Variants in SERPINC1 observed in about 807,000 individuals in gnomAD.
The protein encoded by SERPINC1 is antithrombin-III.
SERPINC1 carries 12 observed loss-of-function variants against 43.4 expected under a neutral mutation model. The ratio of observed to expected loss-of-function variants is 0.28; its 90% CI spans 0.18 to 0.45. SERPINC1 has a LOEUF of 0.45. Ranked by LOEUF, SERPINC1 falls within the 20% of genes least tolerant of loss-of-function variation. The probability of loss-of-function intolerance (pLI) is 1.00; values close to 1 mark genes in which losing one functional copy is unlikely to be tolerated. For missense variants in SERPINC1, 423 were observed against 578.8 expected, an observed-to-expected ratio of 0.73 and a Z score of 2.76; for synonymous variants, 210 against 218.9, an observed-to-expected ratio of 0.96 and a Z score of 0.36.
intron 2 of SERPINC1, among the ~76,000 whole-genome samples, chr1:173,912,363 A>G (rs565546565): frequency 1.3e-5 from 2 of 152,304 alleles, no homozygotes; most frequent in East Asian, 1.9e-4. Context: ...TCTCGTAACA[A>G]ACACTTTTGT....
Position 173,914,978 on chromosome 1 carries a change from C to T in SERPINC1, c.42-59G>A. On this transcript the variant is annotated intron_variant, in intron 1 of 6. Coordinates refer to ENST00000367698, the MANE Select transcript of SERPINC1 (RefSeq NM_000488.4). ...CTGCAACCCCTAGCCCCACTGCCCA[C>T]CACAGGGTTGCCCCAGTAAAGCAGA... The T allele has an allele frequency of 2.5e-6, 4 of 1,582,158 alleles. 1 individual carries two copies. The South Asian group carries it at 4.5e-5, about 18-fold the overall frequency.
intron 5 of SERPINC1, among the ~76,000 whole-genome samples, chr1:173,908,417 G>T (rs1269971722): frequency 3.3e-5 from 5 of 150,748 alleles, no homozygotes; most frequent in African/African-American, 1.2e-4. Context: ...TTGAATCTGG[G>T]GGGTGGAGGT....
In SERPINC1 at chr1:173,910,862, G is replaced by A; in HGVS notation, c.654C>T (p.Ile218=). ...CGGTCTTATTGGACACCCATTTGTTGATGGCCGCTCTGGATTGCTCTGCAT... is the reference window on the plus strand; with the variant it reads ...CGGTCTTATTGGACACCCATTTGTTAATGGCCGCTCTGGATTGCTCTGCAT... ...KENAEQSRAA[I]NKWVSNKTEG... is the part of the protein sequence containing the mutation. The change falls in exon 4 of 7, where the codon ATC becomes ATT. Residue 218 remains isoleucine (I), a synonymous_variant. Coordinates refer to ENST00000367698, the MANE Select transcript of SERPINC1 (RefSeq NM_000488.4). 2 of 1,614,148 alleles carry A rather than the reference G, an allele frequency of 1.2e-6. No homozygotes were observed. Among genetic ancestry groups the A allele is most frequent in the Non-Finnish European group, 1.7e-6 (2 of 1,179,998 alleles).
At position 173,915,147 on chromosome 1, in the gene SERPINC1, C is replaced by G. The variant is rs1294784731; in HGVS notation, c.42-228G>C. 1.3e-5 allele frequency: 18 copies of G among 1,422,598 alleles called. No homozygotes were observed. The East Asian group carries it at 4.6e-4, about 37-fold the overall frequency. 88.1% of individuals were successfully genotyped at this position (1,422,598 alleles called of 1,614,324 possible). ...GTGGTCATGTTGGAATTAGAATCAT[C>G]TGATGGTTATTTGGAGTATTATGTG... On this transcript the variant is annotated intron_variant, in intron 1 of 6. Coordinates refer to ENST00000367698, the MANE Select transcript of SERPINC1 (RefSeq NM_000488.4).
In SERPINC1 at chr1:173,917,253, A is replaced by T; in HGVS notation, c.7T>A (p.Ser3Thr). 6.2e-7 allele frequency: 1 copy of T among 1,614,076 alleles called. No homozygotes were observed. Among genetic ancestry groups the T allele is most frequent in the African/African-American group, 1.3e-5 (1 of 75,036 alleles). Residue 3 changes from serine (S) to threonine (T), a missense_variant, in exon 1 of 7, where the codon TCC becomes ACC. Physicochemically the swap from Ser to Thr is moderately conservative, Grantham distance 58 (BLOSUM62 1). Coordinates refer to ENST00000367698, the MANE Select transcript of SERPINC1 (RefSeq NM_000488.4). MY[S>T]NVIGTVTSGK... The stretch of plus-strand genomic sequence containing the variant: ...GAGGTTACAGTTCCTATCACATTGG[A>T]ATACATGGCCGCTAATCTTCCACAG...
chr1:173,914,221 A>G (rs1452750951), intron 2 of SERPINC1, among the ~76,000 whole-genome samples: 2 of 152,194 alleles, frequency 1.3e-5, no homozygotes, highest in Non-Finnish European at 2.9e-5. Flanking sequence ...CTGAATGAAT[A>G]AATAAATAAA....
intron 6 of SERPINC1, among the ~76,000 whole-genome samples, chr1:173,904,987 G>T (rs892939192): frequency 2.0e-5 from 3 of 152,150 alleles, no homozygotes; most frequent in African/African-American, 4.8e-5. Context: ...CGGCTTTGTT[G>T]TAAGAACCAT....
intron 2 of SERPINC1, 61 bp from the exon 3 acceptor site, chr1:173,912,075 T>C (rs1359934549): frequency 1.7e-6 from 2 of 1,190,950 alleles, no homozygotes; most frequent in Non-Finnish European, 2.5e-6. Flanking sequence ...ACATGGGTGG[T>C]GAGCACATGC....
rs746504812 is a variant in SERPINC1, at chr1:173,907,489, G to T, written c.1179C>A (p.Asp393Glu). The T allele has an allele frequency of 6.2e-7, 1 of 1,613,908 alleles. No homozygotes were observed. Among genetic ancestry groups the T allele is most frequent in the South Asian group, 1.1e-5 (1 of 91,078 alleles). ...LPGIVAEGRD[D>E]LYVSDAFHKA... ...TATGGAATGCATCTGAGACATAGAG[G>T]TCATCTCGGCCTTCTGCAACAATAC... is the stretch of plus-strand genomic sequence containing the variant. Residue 393 changes from aspartate (D) to glutamate (E), a missense_variant, in exon 6 of 7, where the codon GAC becomes GAA. Physicochemically the swap from Asp to Glu is conservative, Grantham distance 45. Transcript: ENST00000367698.
At chr1:173,913,860 A>G (rs1235605944) in intron 2 of SERPINC1, among the ~76,000 whole-genome samples, 2 of 151,950 alleles carry the variant, frequency 1.3e-5, no homozygotes, top group Non-Finnish European at 2.9e-5. Flanking sequence ...GTCTCAAAAA[A>G]AAAAAAAAAA....
intron 1 of SERPINC1, among the ~76,000 whole-genome samples, chr1:173,916,960 A>G (rs1297244921): frequency 6.6e-6 from 1 of 152,170 alleles, no homozygotes; most frequent in Non-Finnish European, 1.5e-5. Flanking sequence ...GACTTCCTGC[A>G]CAGCATCTTT....
At chr1:173,910,672 G>A (rs942042824) in intron 4 of SERPINC1, 82 bp downstream of exon 4, 16 of 1,391,482 alleles carry the variant, frequency 1.1e-5, no homozygotes, top group African/African-American at 5.7e-5. Flanking sequence ...TCAGGGCTTC[G>A]GTCTCGCCAT....
At chr1:173,910,649 T>G in intron 4 of SERPINC1, 105 bp downstream of exon 4, 1 of 1,009,074 alleles carries the variant, frequency 9.9e-7, no homozygotes, top group African/African-American at 1.6e-5. Context: ...CTTTCGGCAG[T>G]CCATTTGCCC....
In SERPINC1 at chr1:173,903,883, A is replaced by G. The variant is rs1020453934; in HGVS notation, c.*6T>C. ...AATAGGAAGAGGTGCAAAGAATAAG[A>G]ACATTTTACTTAACACAAGGGTTGG... On this transcript the variant is annotated 3_prime_UTR_variant, in exon 7 of 7. Transcript: ENST00000367698. 6 of 1,613,482 alleles carry G rather than the reference A, an allele frequency of 3.7e-6. No individual in the cohort carries two copies. The highest frequency in any genetic ancestry group is 1.3e-5 in the African/African-American group (1 of 75,052).
intron 6 of SERPINC1, among the ~76,000 whole-genome samples, chr1:173,905,790 A>G (rs1160868424): frequency 6.6e-6 from 1 of 152,014 alleles, no homozygotes; most frequent in Non-Finnish European, 1.5e-5. Flanking sequence ...CATCAAACCT[A>G]ATGAGCATTG....
intron 5 of SERPINC1, 38 bp from the exon 6 acceptor site, chr1:173,907,552 G>A (rs751704392): frequency 6.5e-7 from 1 of 1,536,282 alleles, no homozygotes; most frequent in South Asian, 1.1e-5. Flanking sequence ...TGAGATGGGA[G>A]AAAGTTGGCT....
chr1:173,907,984 A>AAATAATAATAATAATAAT (rs57195053), intron 5 of SERPINC1, among the ~76,000 whole-genome samples: 7 of 139,426 alleles, frequency 5.0e-5, no homozygotes, highest in East Asian at 2.1e-4. Context: ...TGCATCTCAA[A>AAATAATAATAATAATAAT]AATAATAATA....
chr1:173,910,475 G>A (rs539755508), intron 4 of SERPINC1, among the ~76,000 whole-genome samples: 6 of 152,198 alleles, frequency 3.9e-5, no homozygotes, highest in African/African-American at 1.2e-4. Flanking sequence ...CAGCTACTTG[G>A]GAGGCTGAGG....
At chr1:173,907,404 T>C (rs1657560854) in intron 6 of SERPINC1, 46 bp downstream of exon 6, 1 of 1,440,754 alleles carries the variant, frequency 6.9e-7, no homozygotes. Context: ...CTGCTGTTCA[T>C]GCATCTCCTT....
Sources: allele counts gnomAD v4.1 joint callset (sites outside exome capture counted in the v4.1 genomes callset), GRCh38; gene constraint gnomAD v4.1.1; transcripts MANE v1.5; gene names NCBI Gene and HGNC (gene_info 2026-07-23, HGNC 2026-07-21).